Variants in MAGI1 observed in about 807,000 individuals in gnomAD.
MAGI1 encodes membrane-associated guanylate kinase, WW and PDZ domain-containing protein 1.
Under a neutral mutation model 139.9 loss-of-function variants are expected in MAGI1, and 58 were observed. The ratio of observed to expected loss-of-function variants is 0.41; its 90% CI spans 0.34 to 0.52. MAGI1 has a LOEUF of 0.52. MAGI1 is among the 20% of genes least tolerant of loss of function. MAGI1 has a pLI of 0.12. For synonymous variants in MAGI1, 812 were observed against 737.9 expected (o/e 1.10, Z -1.63); for missense variants, 1,874 against 1,901.6 (o/e 0.99, Z 0.27).
rs768891304 is a variant in MAGI1, at chr3:66,038,260, C to T, written c.49G>A (p.Glu17Lys). 2.5e-6 allele frequency: 4 copies of T among 1,609,546 alleles called. No individual in the cohort carries two copies. The highest frequency in any genetic ancestry group is 2.7e-5 in the African/African-American group (2 of 74,842). ...KKNHWTSRVH[E>K]CTVKRGPQGE... ...TGGGGTCCCCGCTTCACGGTGCATT[C>T]GTGAACCCTGCTAGTCCAGTGGTTC... is the stretch of plus-strand genomic sequence containing the variant. The change falls in exon 1 of 23, where the codon GAA (glutamate) becomes AAA (lysine). Residue 17 changes from glutamate (E) to lysine (K), a missense_variant. Physicochemically the swap from Glu to Lys is moderately conservative, Grantham distance 56. This residue lies in a region of MAGI1 where 648 missense variants were observed against 598.1 expected (regional missense o/e 1.08). Coordinates refer to ENST00000402939, the MANE Select transcript of MAGI1 (RefSeq NM_001033057.2).
chr3:65,597,790 G>A (rs761375740), intron 2 of MAGI1: 1 of 456,694 alleles, frequency 2.2e-6, no homozygotes. Context: ...GTGGCGAGAG[G>A]AGATCATGGA....
intron 2 of MAGI1, among the ~76,000 whole-genome samples, chr3:65,599,715 C>T (rs927569701): frequency 6.6e-6 from 1 of 152,174 alleles, no homozygotes; most frequent in Non-Finnish European, 1.5e-5. Flanking sequence ...TATAAAACAT[C>T]TCAACCAAAT....
chr3:65,639,588 A>G (rs1414699984), intron 1 of MAGI1, among the ~76,000 whole-genome samples: 2 of 152,180 alleles, frequency 1.3e-5, no homozygotes, highest in Non-Finnish European at 2.9e-5. Flanking sequence ...TTTTGAGATA[A>G]GGTTAACATT....
At chr3:65,490,843 C>CAAAAAAAAAAAAAA in intron 3 of MAGI1, among the ~76,000 whole-genome samples, 1 of 64,754 alleles carries the variant, frequency 1.5e-5, no homozygotes, top group Non-Finnish European at 2.7e-5. Flanking sequence ...GACTCTGTCT[C>CAAAAAAAAAAAAAA]AAAAAAAAAA....
chr3:65,450,945 ATACT>A (rs748135623), intron 6 of MAGI1, among the ~76,000 whole-genome samples: 30 of 152,328 alleles, frequency 2.0e-4, no homozygotes, highest in Non-Finnish European at 3.4e-4. Flanking sequence ...ATGCAAACTG[ATACT>A]TACCATAATC....
intron 1 of MAGI1, among the ~76,000 whole-genome samples, chr3:65,733,607 A>C (rs1031643909): frequency 3.3e-5 from 5 of 152,144 alleles, no homozygotes; most frequent in Admixed American, 6.5e-5. Flanking sequence ...CTATCAAAAA[A>C]CCATCTGGTT....
intron 1 of MAGI1, among the ~76,000 whole-genome samples, chr3:66,035,729 C>T (rs1316761184): frequency 3.9e-5 from 6 of 152,146 alleles, no homozygotes; most frequent in Admixed American, 3.9e-4. Flanking sequence ...GAAACATACC[C>T]ACACACTCGC....
chr3:65,940,422 T>C (rs1003940516), intron 1 of MAGI1, among the ~76,000 whole-genome samples: 2 of 152,194 alleles, frequency 1.3e-5, no homozygotes, highest in Admixed American at 6.5e-5. Flanking sequence ...GACCCTCTTC[T>C]GGGATATGGA....
At chr3:65,991,846 C>G in intron 1 of MAGI1, among the ~76,000 whole-genome samples, 1 of 152,012 alleles carries the variant, frequency 6.6e-6, no homozygotes, top group South Asian at 2.1e-4. Flanking sequence ...GAAACCCCAT[C>G]TCTACTAAAA....
chr3:65,990,410 G>C (rs557641087), intron 1 of MAGI1, among the ~76,000 whole-genome samples: 5 of 152,286 alleles, frequency 3.3e-5, no homozygotes, highest in African/African-American at 1.2e-4. Flanking sequence ...GATGAGTACC[G>C]CCTACCAAAG....
intron 1 of MAGI1, among the ~76,000 whole-genome samples, chr3:65,851,555 C>A (rs189304714): frequency 8.1e-4 from 123 of 152,136 alleles, no homozygotes; most frequent in African/African-American, 2.8e-3. Flanking sequence ...TTCAGACCAG[C>A]CCAGCTAAAA....
intron 2 of MAGI1, among the ~76,000 whole-genome samples, chr3:65,613,532 C>A (rs2083223615): frequency 6.6e-6 from 1 of 152,142 alleles, no homozygotes; most frequent in Non-Finnish European, 1.5e-5. Flanking sequence ...ACATATAAAT[C>A]AAGTCCAGTG....
intron 2 of MAGI1, among the ~76,000 whole-genome samples, chr3:65,612,205 T>C (rs2083160512): frequency 6.6e-6 from 1 of 152,086 alleles, no homozygotes; most frequent in Admixed American, 6.6e-5. Context: ...TTTTTTGGTA[T>C]AGGTTGATTT....
chr3:65,745,060 G>T (rs144808285), intron 1 of MAGI1, among the ~76,000 whole-genome samples: 1 of 151,718 alleles, frequency 6.6e-6, no homozygotes, highest in African/African-American at 2.4e-5. Context: ...ATACAGTGTT[G>T]GTCCTTTTGC....
intron 1 of MAGI1, chr3:65,688,506 C>T (rs62245035): frequency 0.045 from 19,768 of 442,700 alleles, 562 homozygotes; most frequent in Non-Finnish European, 0.064. Context: ...AGGGGGAAGA[C>T]TGAGGCTTAA....
intron 1 of MAGI1, among the ~76,000 whole-genome samples, chr3:66,025,953 A>C (rs1479689531): frequency 6.6e-6 from 1 of 152,198 alleles, no homozygotes; most frequent in East Asian, 1.9e-4. Flanking sequence ...TAAGTTTTTA[A>C]AAGATTAGAA....
intron 1 of MAGI1, among the ~76,000 whole-genome samples, chr3:65,894,161 C>T (rs1244968704): frequency 2.6e-5 from 4 of 152,130 alleles, no homozygotes; most frequent in Admixed American, 6.5e-5. Context: ...TGGAAAGAAT[C>T]TCAAAGTTGT....
chr3:65,686,200 G>C (rs962137901), intron 1 of MAGI1, among the ~76,000 whole-genome samples: 2 of 152,128 alleles, frequency 1.3e-5, no homozygotes, highest in Non-Finnish European at 2.9e-5. Flanking sequence ...GTCATCTTAT[G>C]GCCTGTTCCC....
chr3:66,031,366 T>G (rs1407567162), intron 1 of MAGI1, among the ~76,000 whole-genome samples: 1 of 152,210 alleles, frequency 6.6e-6, no homozygotes, highest in Non-Finnish European at 1.5e-5. Flanking sequence ...GATGTCAGAA[T>G]GTTTTCTCTT....
Sources: gnomAD v4.1 joint callset for allele counts (sites outside exome capture counted in the v4.1 genomes callset) on GRCh38, gnomAD v4.1.1 for gene constraint, gnomAD v4.1.1 regional missense constraint, MANE v1.5 for transcripts, NCBI Gene and HGNC (gene_info 2026-07-23, HGNC 2026-07-21) for gene names.